SH3BP5: variants seen among roughly 807,000 people sequenced by gnomAD.
SH3BP5 encodes the protein SH3 domain binding protein 5.
A neutral mutation model predicts 43.3 loss-of-function variants in SH3BP5; 22 were observed. The observed-to-expected ratio is 0.51, with a 90% CI of 0.36 to 0.73. The LOEUF (loss-of-function observed/expected upper bound fraction) is 0.73, where lower values mean the gene tolerates loss of function less well. SH3BP5 is among the 30% of genes least tolerant of loss of function. The pLI, the probability that SH3BP5 is intolerant of heterozygous loss-of-function variation, is 0.00. For missense variants in SH3BP5, 529 were observed against 586.9 expected, an observed-to-expected ratio of 0.90 and a Z score of 1.02; for synonymous variants, 255 against 225.8, an observed-to-expected ratio of 1.13 and a Z score of -1.16.
intron 2 of SH3BP5, among the ~76,000 whole-genome samples, chr3:15,327,040 A>G (rs572488549): frequency 6.6e-6 from 1 of 152,310 alleles, no homozygotes; most frequent in Non-Finnish European, 1.5e-5. Context: ...TCACTAATTC[A>G]GTGTTCACAA....
chr3:15,332,245 A>T (rs772986039), intron 1 of SH3BP5, 26 bp downstream of exon 1: 3 of 1,551,194 alleles, frequency 1.9e-6, no homozygotes, highest in Admixed American at 1.9e-5. Context: ...CGAAGCCCGG[A>T]TGCGGGGCGA....
rs531443172 is a variant in SH3BP5, at chr3:15,289,228, C to T, written c.330+14875G>A. Among the ~76,000 whole-genome samples, 14 of 152,322 alleles carry T rather than the reference C, an allele frequency of 9.2e-5. No individual in the cohort carries two copies. In the South Asian group the frequency reaches 2.9e-3, roughly 32 times the overall value. On this transcript the variant is annotated intron_variant, in intron 3 of 8. Coordinates refer to ENST00000383791, the MANE Select transcript of SH3BP5 (RefSeq NM_004844.5). ...TCATCCTTAAAACAACCTTGCCTGG[C>T]TAGCTAAAAGACTCCAAGTCAAGCC...
At chr3:15,299,465 C>T (rs1415804655) in intron 3 of SH3BP5, among the ~76,000 whole-genome samples, 1 of 149,826 alleles carries the variant, frequency 6.7e-6, no homozygotes, top group African/African-American at 2.5e-5. Flanking sequence ...ATACAATTTC[C>T]ACCAGCTCAA....
At chr3:15,267,318 A>C (rs1455508113) in intron 4 of SH3BP5, among the ~76,000 whole-genome samples, 1 of 152,188 alleles carries the variant, frequency 6.6e-6, no homozygotes, top group Non-Finnish European at 1.5e-5. Flanking sequence ...ACATTCGGAG[A>C]GCCTGCTCTG....
At chr3:15,272,598 C>T (rs1362517090) in intron 3 of SH3BP5, among the ~76,000 whole-genome samples, 2 of 74,774 alleles carry the variant, frequency 2.7e-5, no homozygotes, top group Admixed American at 1.1e-4. Context: ...AGGATAAAGA[C>T]ATTACAAAAC....
At chr3:15,296,735 C>G (rs1327115242) in intron 3 of SH3BP5, among the ~76,000 whole-genome samples, 1 of 142,104 alleles carries the variant, frequency 7.0e-6, no homozygotes, top group Non-Finnish European at 1.5e-5. Context: ...ACTCTTTCAC[C>G]CAGACTAGAG....
chr3:15,324,607 T>C (rs534722200), intron 2 of SH3BP5, among the ~76,000 whole-genome samples: 1 of 152,294 alleles, frequency 6.6e-6, no homozygotes, highest in African/African-American at 2.4e-5. Flanking sequence ...TATCTATGCT[T>C]CAAACATTCC....
intron 4 of SH3BP5, 98 bp downstream of exon 4, chr3:15,269,615 G>A: frequency 7.5e-7 from 1 of 1,326,048 alleles, no homozygotes; most frequent in Non-Finnish European, 1.0e-6. Flanking sequence ...GTGTTTTCAG[G>A]CAACATGCCT....
rs181080692 is a variant in SH3BP5 at position 15,329,850 on chromosome 3, A to G, written c.201+654T>C. Among the ~76,000 whole-genome samples the G allele has an allele frequency of 1.0e-3, 155 of 152,340 alleles. 1 individual carries two copies. Among genetic ancestry groups the G allele is most frequent in the African/African-American group, 3.5e-3 (147 of 41,586 alleles). The stretch of plus-strand genomic sequence containing the variant: ...CACTACTGGAAAGGGGTGGGAACTA[A>G]TCGGAGGCTGTGATGAATGCTAACT... On this transcript the variant is annotated intron_variant, in intron 2 of 8. Coordinates refer to ENST00000383791, the MANE Select transcript of SH3BP5 (RefSeq NM_004844.5).
chr3:15,313,778 T>C (rs1698118152), intron 2 of SH3BP5, among the ~76,000 whole-genome samples: 1 of 152,182 alleles, frequency 6.6e-6, no homozygotes, highest in African/African-American at 2.4e-5. Context: ...ACTTGAAATG[T>C]GGCTGGTGCA....
chr3:15,261,270 A>T (rs1038694666), intron 5 of SH3BP5, among the ~76,000 whole-genome samples: 8 of 152,382 alleles, frequency 5.2e-5, no homozygotes, highest in East Asian at 3.9e-4. Context: ...GTATGTGTAC[A>T]TATGTATGTT....
chr3:15,275,594 T>A (rs1163297305), intron 3 of SH3BP5: 2 of 152,214 alleles, frequency 1.3e-5, no homozygotes, highest in African/African-American at 4.8e-5. Context: ...CTGCTTATAA[T>A]AGTACTAAAG....
intron 3 of SH3BP5, among the ~76,000 whole-genome samples, chr3:15,296,889 G>A (rs1697592344): frequency 6.7e-6 from 1 of 149,870 alleles, no homozygotes; most frequent in African/African-American, 2.5e-5. Context: ...AAGAAATGGT[G>A]TCTCACCATG....
chr3:15,337,942 C>T (rs571599778), intron 1 of SH3BP5, among the ~76,000 whole-genome samples: 1 of 149,432 alleles, frequency 6.7e-6, no homozygotes, highest in Admixed American at 6.7e-5. Flanking sequence ...AAAAAAGTGC[C>T]CCAAAGCAGC....
At chr3:15,321,945 C>T (rs779049199) in intron 2 of SH3BP5, among the ~76,000 whole-genome samples, 125 of 152,326 alleles carry the variant, frequency 8.2e-4, no homozygotes, top group Non-Finnish European at 1.4e-3. Flanking sequence ...TGGCTCATGC[C>T]TATAATCCCA....
intron 3 of SH3BP5, among the ~76,000 whole-genome samples, chr3:15,271,962 AC>A (rs1696813444): frequency 6.6e-6 from 1 of 151,906 alleles, no homozygotes; most frequent in Non-Finnish European, 1.5e-5. Flanking sequence ...CCCTCGTCCC[AC>A]CACCCTCCCT....
rs375677363 is a variant in SH3BP5, at chr3:15,295,351, T to C, written c.330+8752A>G. ...GTGAAAAAATGAGCTACCTGATACATACGTTTCTAGCTGATGTCCAACAAG... is the reference window on the plus strand; with the variant it reads ...GTGAAAAAATGAGCTACCTGATACACACGTTTCTAGCTGATGTCCAACAAG... On this transcript the variant is annotated intron_variant, in intron 3 of 8. Transcript: ENST00000383791. 9.2e-5 allele frequency among the ~76,000 whole-genome samples: 14 copies of C among 152,226 alleles called. No homozygotes were observed. The East Asian group carries it at 1.5e-3, about 17-fold the overall frequency.
chr3:15,266,989 G>A (rs2125059672), intron 4 of SH3BP5, among the ~76,000 whole-genome samples: 1 of 152,372 alleles, frequency 6.6e-6, no homozygotes, highest in Middle Eastern at 3.4e-3. Flanking sequence ...GGGCCTTTCT[G>A]AGCACGGAAT....
chr3:15,295,838 A>G (rs1467738107), intron 3 of SH3BP5, among the ~76,000 whole-genome samples: 5 of 152,234 alleles, frequency 3.3e-5, no homozygotes, highest in African/African-American at 1.2e-4. Context: ...CAGAGTGGAC[A>G]GCATCATCAT....
Sources: allele counts gnomAD v4.1 joint callset (sites outside exome capture counted in the v4.1 genomes callset), GRCh38; gene constraint gnomAD v4.1.1; transcripts MANE v1.5; gene names NCBI Gene and HGNC (gene_info 2026-07-23, HGNC 2026-07-21).